SYDE2: variants seen among roughly 807,000 people sequenced by gnomAD.
The protein encoded by SYDE2 is rho GTPase-activating protein SYDE2.
In SYDE2, 76 loss-of-function variants were observed where a neutral mutation model predicts 91.5. The ratio of observed to expected loss-of-function variants is 0.83; its 90% CI spans 0.69 to 1.01. The LOEUF is 1.01. Ranked by LOEUF, SYDE2 falls within the 50% of genes least tolerant of loss-of-function variation. The pLI is 0.00. For synonymous variants in SYDE2, 513 were observed against 506.4 expected (o/e 1.01, Z -0.18); for missense variants, 1,364 against 1,367.7 (o/e 1.00, Z 0.04).
chr1:85,164,622 T>C lies in SYDE2; in HGVS notation c.2989A>G (p.Asn997Asp). ...TCTGAATCAGTAAAGACTCTGTTGT[T>C]ATGGGTGGAAGGCTCTTGCCTCTGA... ...LSQRQEPSTH[N>D]NRVFTDSEEL... The change falls in exon 6 of 7, where the codon AAC becomes GAC. Residue 997 changes from asparagine (N) to aspartate (D), a missense_variant. Physicochemically the swap from Asn to Asp is conservative, Grantham distance 23 (BLOSUM62 1). Coordinates refer to ENST00000341460, the MANE Select transcript of SYDE2 (RefSeq NM_032184.2). The C allele has an allele frequency of 1.2e-6, 2 of 1,606,632 alleles. No individual in the cohort carries two copies. Among genetic ancestry groups the C allele is most frequent in the Non-Finnish European group, 1.7e-6 (2 of 1,176,218 alleles).
At chr1:85,169,460 A>G (rs2100653825) in intron 4 of SYDE2, among the ~76,000 whole-genome samples, 1 of 152,334 alleles carries the variant, frequency 6.6e-6, no homozygotes, top group East Asian at 1.9e-4. Context: ...TTCAGTTACC[A>G]CACGTTAGGT....
chr1:85,192,133 A>C (rs1214016185), intron 1 of SYDE2, among the ~76,000 whole-genome samples: 1 of 152,166 alleles, frequency 6.6e-6, no homozygotes, highest in Non-Finnish European at 1.5e-5. Flanking sequence ...CAACCAAAAA[A>C]TCAGATTTAT....
At chr1:85,200,000 T>A (rs1357705707) in intron 1 of SYDE2, among the ~76,000 whole-genome samples, 3 of 152,134 alleles carry the variant, frequency 2.0e-5, no homozygotes, top group African/African-American at 7.2e-5. Context: ...ACACTGGTTT[T>A]TCGAGAAGAA....
At chr1:85,195,399 C>T (rs1415185214) in intron 1 of SYDE2, among the ~76,000 whole-genome samples, 1 of 151,938 alleles carries the variant, frequency 6.6e-6, no homozygotes, top group Non-Finnish European at 1.5e-5. Context: ...ACTTGGCAGT[C>T]CAGATGAAAT....
downstream of SYDE2, among the ~76,000 whole-genome samples, chr1:85,155,638 G>A (rs956208054): frequency 2.0e-5 from 3 of 152,170 alleles, no homozygotes; most frequent in African/African-American, 7.2e-5. Flanking sequence ...CTTTATGTAT[G>A]AAGCATTCTG....
chr1:85,158,245 G>A lies in SYDE2; in HGVS notation c.*505C>T, dbSNP rs952300420. 1.3e-5 allele frequency: 2 copies of A among 152,606 alleles called. No individual in the cohort carries two copies. Among genetic ancestry groups the A allele is most frequent in the African/African-American group, 4.8e-5 (2 of 41,450 alleles). 9.5% of individuals were successfully genotyped at this position (152,606 alleles called of 1,614,324 possible). Reference sequence around the variant, plus strand: ...ATACAATAATTAGCTGGGCATGGTGGTGGGCCCCGTCATCACAGCTACTCG... The same window carrying A: ...ATACAATAATTAGCTGGGCATGGTGATGGGCCCCGTCATCACAGCTACTCG... On this transcript the variant is annotated 3_prime_UTR_variant, in exon 7 of 7. Coordinates refer to ENST00000341460, the MANE Select transcript of SYDE2 (RefSeq NM_032184.2).
At chr1:85,175,436 G>T (rs817438) in intron 4 of SYDE2, among the ~76,000 whole-genome samples, 11,742 of 152,230 alleles carry the variant, frequency 0.077, 516 homozygotes, top group Middle Eastern at 0.13. Flanking sequence ...AGAGGTGGAG[G>T]TTGCACCACT....
chr1:85,155,641 G>A (rs817408), downstream of SYDE2, among the ~76,000 whole-genome samples: 150,031 of 152,324 alleles, frequency 0.98, 73,923 homozygotes, highest in East Asian at 1. Context: ...TATGTATGAA[G>A]CATTCTGCTT....
At chr1:85,153,986 T>G (rs1360734339), downstream of SYDE2, 2 of 152,146 alleles carry the variant, frequency 1.3e-5, no homozygotes, top group Non-Finnish European at 2.9e-5. Context: ...AGTTAGCAAG[T>G]CCATTTCAGG....
Position 85,190,738 on chromosome 1 carries a change from C to T in SYDE2, c.760G>A (p.Ala254Thr), listed in dbSNP as rs192842795. The T allele has an allele frequency of 4.8e-3, 7,592 of 1,595,744 alleles. 29 individuals are homozygous for T. The highest frequency in any genetic ancestry group is 5.8e-3 in the Non-Finnish European group (6,853 of 1,172,324). ...CTTCCCTTCATTGAAGACCCATAGGCATTTTCAAATAAATCTGTTGCAAAG... is the reference window on the plus strand; with the variant it reads ...CTTCCCTTCATTGAAGACCCATAGGTATTTTCAAATAAATCTGTTGCAAAG... ...RITLTDLFEN[A>T]YGSSMKGREL... The change falls in exon 2 of 7, where the codon GCC (alanine) becomes ACC (threonine). Residue 254 changes from alanine (A) to threonine (T), a missense_variant. Physicochemically the swap from Ala to Thr is moderately conservative, Grantham distance 58. Transcript: ENST00000341460.
chr1:85,185,859 C>G (rs1214325285), intron 2 of SYDE2, among the ~76,000 whole-genome samples: 1 of 152,192 alleles, frequency 6.6e-6, no homozygotes, highest in African/African-American at 2.4e-5. Flanking sequence ...TGAGAGAGGG[C>G]ATCCCTGTCT....
At chr1:85,154,788 G>A (rs2100636802), downstream of SYDE2, among the ~76,000 whole-genome samples, 1 of 152,070 alleles carries the variant, frequency 6.6e-6, no homozygotes, top group South Asian at 2.1e-4. Flanking sequence ...AAAACTGGAT[G>A]CTTGAAGGTA....
At chr1:85,185,457 C>G (rs940784786) in intron 2 of SYDE2, among the ~76,000 whole-genome samples, 1 of 151,018 alleles carries the variant, frequency 6.6e-6, no homozygotes, top group African/African-American at 2.4e-5. Context: ...TCTTCCATTT[C>G]TTTGTATCCT....
At chr1:85,160,009 T>G (rs1170633922) in intron 6 of SYDE2, 2 of 835,626 alleles carry the variant, frequency 2.4e-6, no homozygotes, top group Non-Finnish European at 2.9e-6. Context: ...GAGACACACA[T>G]TACTTCATTA....
chr1:85,186,290 T>C (rs1227730701), intron 2 of SYDE2, among the ~76,000 whole-genome samples: 1 of 152,190 alleles, frequency 6.6e-6, no homozygotes, highest in Non-Finnish European at 1.5e-5. Flanking sequence ...GGCTTTGGTA[T>C]CAGGATGATG....
rs1656915378 is a variant in SYDE2, at chr1:85,157,742, C to T, written c.*1008G>A. 1 of 151,950 alleles carries T rather than the reference C, an allele frequency of 6.6e-6. No individual in the cohort carries two copies. Among genetic ancestry groups the T allele is most frequent in the South Asian group, 2.1e-4 (1 of 4,816 alleles). The allele number at this position is 151,950 out of a possible 1,614,324, so 9.4% of individuals were successfully genotyped here. A position where few individuals can be genotyped will look rare whatever the true frequency, so the allele number is the denominator to read the frequency against. Reference sequence around the variant, plus strand: ...TCCTCCTTTAATTTAAATGTTCTTTCCCTGAAAAAAATACTTTAAGATAAT... The same window carrying T: ...TCCTCCTTTAATTTAAATGTTCTTTTCCTGAAAAAAATACTTTAAGATAAT... On this transcript the variant is annotated 3_prime_UTR_variant, in exon 7 of 7. Transcript: ENST00000341460.
chr1:85,200,458 A>G lies in SYDE2; in HGVS notation c.539T>C (p.Phe180Ser), dbSNP rs1287190274. The G allele has an allele frequency of 6.2e-7, 1 of 1,613,884 alleles. No individual in the cohort carries two copies. ...GACTGTCACTGCCGGCGGCCTGAGGAAGGAGGGGCCTTCCTGGCGGTCTCC... is the reference window on the plus strand; with the variant it reads ...GACTGTCACTGCCGGCGGCCTGAGGGAGGAGGGGCCTTCCTGGCGGTCTCC... The part of the protein sequence containing the change: ...GKGDRQEGPS[F>S]LRPPAVTVKK... Residue 180 changes from phenylalanine to serine, a missense_variant, in exon 1 of 7, where the codon TTC (phenylalanine) becomes TCC (serine). Coordinates refer to ENST00000341460, the MANE Select transcript of SYDE2 (RefSeq NM_032184.2).
intron 5 of SYDE2, among the ~76,000 whole-genome samples, chr1:85,165,307 T>A (rs1207872769): frequency 1.3e-5 from 2 of 152,214 alleles, no homozygotes; most frequent in Non-Finnish European, 2.9e-5. Context: ...AAAATACTTA[T>A]GAATGCATTC....
chr1:85,183,834 T>G (rs1570260969), intron 2 of SYDE2, among the ~76,000 whole-genome samples: 1 of 152,156 alleles, frequency 6.6e-6, no homozygotes, highest in Admixed American at 6.5e-5. Context: ...AGAAAAGCTA[T>G]CCAGTATATT....
Sources: gnomAD v4.1 joint callset for allele counts (sites outside exome capture counted in the v4.1 genomes callset) on GRCh38, gnomAD v4.1.1 for gene constraint, MANE v1.5 for transcripts, NCBI Gene and HGNC (gene_info 2026-07-23, HGNC 2026-07-21) for gene names.